Variants in PTPN12 observed in about 807,000 individuals in gnomAD.
The protein encoded by PTPN12 is protein tyrosine phosphatase non-receptor type 12, also known as tyrosine-protein phosphatase non-receptor type 12.
Under a neutral mutation model 97.6 loss-of-function variants are expected in PTPN12, and 29 were observed. The observed-to-expected ratio is 0.30, with a 90% CI of 0.22 to 0.41. PTPN12 has a LOEUF of 0.41. Ranked by LOEUF, PTPN12 falls within the 10% of genes least tolerant of loss-of-function variation. PTPN12 has a pLI of 1.00. For synonymous variants in PTPN12, 327 were observed against 300.4 expected (o/e 1.09, Z -0.91); for missense variants, 819 against 926.0 (o/e 0.88, Z 1.50).
At chr7:77,556,395 T>A (rs1041050586) in intron 1 of PTPN12, among the ~76,000 whole-genome samples, 1 of 152,068 alleles carries the variant, frequency 6.6e-6, no homozygotes, top group African/African-American at 2.4e-5. Context: ...GTTTATGGAT[T>A]TTGAACTATA....
At chr7:77,608,137 A>G (rs1262931171) in intron 9 of PTPN12, among the ~76,000 whole-genome samples, 1 of 152,288 alleles carries the variant, frequency 6.6e-6, no homozygotes, top group Non-Finnish European at 1.5e-5. Flanking sequence ...ATAGTATTGT[A>G]GTCTATGAAT....
chr7:77,637,034 A>G lies in PTPN12; in HGVS notation c.2159A>G (p.Glu720Gly). The change falls in exon 16 of 18, where the codon GAA becomes GGA. Residue 720 changes from glutamate (E) to glycine (G), a missense_variant. Physicochemically the swap from Glu to Gly is moderately conservative, Grantham distance 98. Transcript: ENST00000248594. ...QKKSEGLITS[E>G]NEKCDHPAGG... ...TCCTCGTAGGGCTTGATAACCTCTG[A>G]AAATGAGAAATGTGGTAAGTTGTTA... 1 of 1,607,710 alleles carries G rather than the reference A, an allele frequency of 6.2e-7. No individual in the cohort carries two copies. Among genetic ancestry groups the G allele is most frequent in the Non-Finnish European group, 8.5e-7 (1 of 1,175,142 alleles).
rs766190961 is a variant in PTPN12 at position 77,537,626 on chromosome 7, A to G, written c.80A>G (p.Asn27Ser). 43 of 1,600,462 alleles carry G rather than the reference A, an allele frequency of 2.7e-5. No individual in the cohort carries two copies. The highest frequency in any genetic ancestry group is 3.4e-5 in the Admixed American group (2 of 58,800). Residue 27 changes from asparagine to serine, a missense_variant, in exon 1 of 18, where the codon AAC becomes AGC. Asn to Ser is a conservative substitution (Grantham distance 46). Transcript: ENST00000248594. ...AGTCCTGACCACAATGGGGAGGACA[A>G]CTTCGCCCGGGACTTCATGGTGAGT... The part of the protein sequence containing the change: ...MKSPDHNGED[N>S]FARDFMRLRR...
intron 13 of PTPN12, among the ~76,000 whole-genome samples, chr7:77,632,039 G>T (rs1381143443): frequency 6.6e-6 from 1 of 152,186 alleles, no homozygotes; most frequent in East Asian, 1.9e-4. Context: ...AACATCATCA[G>T]TAAGCTCAGT....
intron 2 of PTPN12, among the ~76,000 whole-genome samples, chr7:77,576,587 C>G (rs995572300): frequency 6.6e-6 from 1 of 152,076 alleles, no homozygotes; most frequent in Non-Finnish European, 1.5e-5. Flanking sequence ...GTCCCAGCTA[C>G]TTGAGAGGCT....
At chr7:77,632,830 A>G (rs1369621689) in intron 14 of PTPN12, among the ~76,000 whole-genome samples, 1 of 152,106 alleles carries the variant, frequency 6.6e-6, no homozygotes, top group Non-Finnish European at 1.5e-5. Context: ...GGTGGTGGAC[A>G]CCTATAATCT....
intron 12 of PTPN12, among the ~76,000 whole-genome samples, chr7:77,625,055 A>G (rs945593059): frequency 4.6e-5 from 7 of 152,026 alleles, no homozygotes; most frequent in South Asian, 2.1e-4. Context: ...GAATTGCTGG[A>G]ACCCAGGAGG....
At chr7:77,551,292 C>G (rs985070699) in intron 1 of PTPN12, among the ~76,000 whole-genome samples, 1 of 152,174 alleles carries the variant, frequency 6.6e-6, no homozygotes, top group African/African-American at 2.4e-5. Flanking sequence ...GACTCCTTAC[C>G]TCAGGTAATC....
chr7:77,582,655 A>G (rs1368892977), intron 3 of PTPN12, among the ~76,000 whole-genome samples: 2 of 151,818 alleles, frequency 1.3e-5, no homozygotes, highest in Non-Finnish European at 2.9e-5. Flanking sequence ...ATGGTGGTGC[A>G]TGCCTGTAAT....
At chr7:77,607,695 G>A (rs558867537) in intron 9 of PTPN12, among the ~76,000 whole-genome samples, 36 of 152,198 alleles carry the variant, frequency 2.4e-4, no homozygotes, top group African/African-American at 8.2e-4. Flanking sequence ...GTGAATACTT[G>A]CATTAGGATA....
At chr7:77,557,149 A>G (rs1033782385) in intron 1 of PTPN12, among the ~76,000 whole-genome samples, 4 of 151,980 alleles carry the variant, frequency 2.6e-5, no homozygotes, top group South Asian at 4.2e-4. Flanking sequence ...AATTTTTTGT[A>G]GAGGTGGGGT....
rs775399947 is a variant in PTPN12 at position 77,592,285 on chromosome 7, T to C, written c.492+29T>C. The C allele has an allele frequency of 1.9e-6, 3 of 1,557,710 alleles. No individual in the cohort carries two copies. In the Admixed American group the frequency reaches 5.3e-5, roughly 28 times the overall value. On this transcript the variant is annotated intron_variant, in intron 6 of 17. Coordinates refer to ENST00000248594, the MANE Select transcript of PTPN12 (RefSeq NM_002835.4). ...AGTATCCATTTTTGTAAACACTTTT[T>C]TCAGAAAATTGGCATGCTATACTGA...
chr7:77,556,490 GTTAAAACCC>G (rs1311033029), intron 1 of PTPN12, among the ~76,000 whole-genome samples: 1 of 152,122 alleles, frequency 6.6e-6, no homozygotes, highest in African/African-American at 2.4e-5. Flanking sequence ...ATAAGGCTCT[GTTAAAACCC>G]CAGCAGGTTA....
intron 1 of PTPN12, among the ~76,000 whole-genome samples, chr7:77,553,368 C>T (rs1236282776): frequency 6.6e-6 from 1 of 152,160 alleles, no homozygotes. Flanking sequence ...CTTGATCTGT[C>T]CATTTCTGAT....
Position 77,597,828 on chromosome 7 carries a change from TTC to T in PTPN12, c.493-10_493-9del. The T allele has an allele frequency of 6.2e-7, 1 of 1,604,298 alleles. No homozygotes were observed. Among genetic ancestry groups the T allele is most frequent in the Non-Finnish European group, 8.5e-7 (1 of 1,176,422 alleles). On this transcript the variant is annotated splice_polypyrimidine_tract_variant and intron_variant, in intron 6 of 17. Coordinates refer to ENST00000248594, the MANE Select transcript of PTPN12 (RefSeq NM_002835.4). ...AACGTTTTCACTGACTTAGAAATGT[TTC>T]TCTTTATTTAGGAGGATGAACAAGC...
chr7:77,555,731 G>A (rs1001575027), intron 1 of PTPN12, among the ~76,000 whole-genome samples: 28 of 152,028 alleles, frequency 1.8e-4, no homozygotes, highest in East Asian at 1.9e-4. Flanking sequence ...TGGCTAACAC[G>A]GTGAAACCCC....
intron 1 of PTPN12, among the ~76,000 whole-genome samples, chr7:77,567,039 GTTTC>G (rs1040626744): frequency 2.0e-5 from 3 of 151,478 alleles, no homozygotes; most frequent in South Asian, 2.1e-4. Flanking sequence ...GAATTTTTTT[GTTTC>G]TTTCTTAGTA....
chr7:77,615,400 A>G (rs977733496), intron 11 of PTPN12, among the ~76,000 whole-genome samples: 2 of 152,192 alleles, frequency 1.3e-5, no homozygotes, highest in Non-Finnish European at 2.9e-5. Context: ...AAGCTGTTAT[A>G]TGGAAAATAA....
At chr7:77,547,115 G>A (rs886697372) in intron 1 of PTPN12, among the ~76,000 whole-genome samples, 1 of 152,170 alleles carries the variant, frequency 6.6e-6, no homozygotes, top group Non-Finnish European at 1.5e-5. Context: ...GGCTCTGAAG[G>A]AATGCAAAGA....
Sources: gnomAD v4.1 joint callset for allele counts (sites outside exome capture counted in the v4.1 genomes callset) on GRCh38, gnomAD v4.1.1 for gene constraint, MANE v1.5 for transcripts, NCBI Gene and HGNC (gene_info 2026-07-23, HGNC 2026-07-21) for gene names.